ST6GALNAC3: variants seen among roughly 807,000 people sequenced by gnomAD.
ST6GALNAC3 encodes the protein alpha-N-acetylgalactosaminide alpha-2,6-sialyltransferase 3.
In ST6GALNAC3, 25 loss-of-function variants were observed where a neutral mutation model predicts 32.7. That is an observed-to-expected ratio of 0.76 (90% CI 0.56 to 1.07). The LOEUF (loss-of-function observed/expected upper bound fraction) is 1.07, where lower values mean the gene tolerates loss of function less well. Among genes scored for constraint, ST6GALNAC3 ranks in the 50% least tolerant of loss-of-function variants. The pLI is 0.00. For synonymous variants in ST6GALNAC3, 129 were observed against 133.1 expected (o/e 0.97, Z 0.21); for missense variants, 355 against 382.4 (o/e 0.93, Z 0.60).
At chr1:76,521,159 GATACAACCTT>G (rs1221670376) in intron 3 of ST6GALNAC3, among the ~76,000 whole-genome samples, 1 of 151,668 alleles carries the variant, frequency 6.6e-6, no homozygotes, top group Non-Finnish European at 1.5e-5. Context: ...CCACAATAAG[GATACAACCTT>G]ATAACACTTT....
chr1:76,614,379 C>G (rs1382256915), intron 3 of ST6GALNAC3, among the ~76,000 whole-genome samples: 1 of 152,088 alleles, frequency 6.6e-6, no homozygotes, highest in African/African-American at 2.4e-5. Flanking sequence ...GATTTTTAAC[C>G]CTTTGCTGCA....
chr1:76,176,415 C>A (rs1400770369), intron 1 of ST6GALNAC3, among the ~76,000 whole-genome samples: 1 of 152,152 alleles, frequency 6.6e-6, no homozygotes, highest in Admixed American at 6.5e-5. Context: ...GTGCTTTAAA[C>A]AGATTAAAAT....
chr1:76,350,552 G>A (rs1350463752), intron 2 of ST6GALNAC3, among the ~76,000 whole-genome samples: 2 of 152,120 alleles, frequency 1.3e-5, no homozygotes, highest in Admixed American at 6.6e-5. Flanking sequence ...CAGTTCAAGT[G>A]CAATTAATAG....
At chr1:76,323,923 G>A (rs969793537) in intron 2 of ST6GALNAC3, among the ~76,000 whole-genome samples, 8 of 151,868 alleles carry the variant, frequency 5.3e-5, no homozygotes, top group Non-Finnish European at 7.4e-5. Context: ...GCAGTGGTGT[G>A]ACCTTGGCTG....
chr1:76,191,416 C>G (rs1653890608), intron 1 of ST6GALNAC3, among the ~76,000 whole-genome samples: 1 of 151,946 alleles, frequency 6.6e-6, no homozygotes, highest in Admixed American at 6.6e-5. Flanking sequence ...TCAACAGGTA[C>G]AAAGTTACAA....
chr1:76,508,893 A>G (rs1661653536), intron 3 of ST6GALNAC3, among the ~76,000 whole-genome samples: 1 of 152,224 alleles, frequency 6.6e-6, no homozygotes, highest in South Asian at 2.1e-4. Flanking sequence ...TTTTTGTCAC[A>G]TCAAAGTAGA....
At chr1:76,476,952 G>T (rs144266930) in intron 3 of ST6GALNAC3, among the ~76,000 whole-genome samples, 1 of 152,196 alleles carries the variant, frequency 6.6e-6, no homozygotes, top group Admixed American at 6.5e-5. Flanking sequence ...TTGTGCCTTG[G>T]CATCTGACTC....
intron 2 of ST6GALNAC3, among the ~76,000 whole-genome samples, chr1:76,370,690 A>G (rs921809071): frequency 6.6e-6 from 1 of 152,202 alleles, no homozygotes; most frequent in Non-Finnish European, 1.5e-5. Context: ...AAACTGATTT[A>G]TATAGAGACT....
intron 2 of ST6GALNAC3, among the ~76,000 whole-genome samples, chr1:76,409,071 A>G (rs1654035322): frequency 6.6e-6 from 1 of 152,082 alleles, no homozygotes; most frequent in African/African-American, 2.4e-5. Context: ...GAGGTTGAGG[A>G]AGGGTCTTAA....
intron 3 of ST6GALNAC3, among the ~76,000 whole-genome samples, chr1:76,436,764 G>A (rs1656174205): frequency 6.6e-6 from 1 of 152,054 alleles, no homozygotes; most frequent in Non-Finnish European, 1.5e-5. Context: ...ATGCTGTCTT[G>A]AATGCTGGGT....
chr1:76,586,205 T>C (rs1287917408), intron 3 of ST6GALNAC3, among the ~76,000 whole-genome samples: 2 of 152,224 alleles, frequency 1.3e-5, no homozygotes, highest in Non-Finnish European at 2.9e-5. Context: ...AAACTATATT[T>C]AGAAGTCTGA....
chr1:76,628,958 G>A lies in ST6GALNAC3; in HGVS notation c.*152G>A, dbSNP rs1649154224. 6 of 1,435,892 alleles carry A rather than the reference G, an allele frequency of 4.2e-6. No individual in the cohort carries two copies. Among genetic ancestry groups the A allele is most frequent in the African/African-American group, 1.5e-5 (1 of 68,442 alleles). 88.9% of individuals were successfully genotyped at this position (1,435,892 alleles called of 1,614,324 possible). On this transcript the variant is annotated 3_prime_UTR_variant, in exon 5 of 5. Transcript: ENST00000328299. ...ACTCTCAGATGTGGATGGTGACTCT[G>A]CTAGTAATTTAAACTTGGCATTTCA...
chr1:76,620,183 T>C (rs367688006), intron 3 of ST6GALNAC3, among the ~76,000 whole-genome samples: 51 of 152,128 alleles, frequency 3.4e-4, no homozygotes, highest in African/African-American at 1.1e-3. Flanking sequence ...TGCAGCTTGA[T>C]ATATAAGATT....
intron 1 of ST6GALNAC3, among the ~76,000 whole-genome samples, chr1:76,156,362 A>G (rs1423466012): frequency 6.6e-6 from 1 of 152,142 alleles, no homozygotes; most frequent in Non-Finnish European, 1.5e-5. Flanking sequence ...AGGGGGAGTT[A>G]TATTCCACCC....
chr1:76,324,212 C>A (rs959699555), intron 2 of ST6GALNAC3, among the ~76,000 whole-genome samples: 1 of 152,120 alleles, frequency 6.6e-6, no homozygotes, highest in African/African-American at 2.4e-5. Flanking sequence ...CTTTCACTAT[C>A]ATTTAAAGAA....
chr1:76,556,636 C>T (rs1664943789), intron 3 of ST6GALNAC3, among the ~76,000 whole-genome samples: 1 of 152,096 alleles, frequency 6.6e-6, no homozygotes, highest in Admixed American at 6.6e-5. Context: ...TAATGTTGAG[C>T]ATCTTTTCCT....
intron 1 of ST6GALNAC3, among the ~76,000 whole-genome samples, chr1:76,160,708 C>T (rs1258132010): frequency 6.6e-6 from 1 of 151,624 alleles, no homozygotes; most frequent in Non-Finnish European, 1.5e-5. Flanking sequence ...AATCTTGGTG[C>T]ACACACACAC....
chr1:76,351,934 G>A (rs745575309), intron 2 of ST6GALNAC3, among the ~76,000 whole-genome samples: 2 of 152,092 alleles, frequency 1.3e-5, no homozygotes, highest in Non-Finnish European at 2.9e-5. Flanking sequence ...GAGGAGGTTG[G>A]GGTGGGGGAA....
At chr1:76,205,560 C>G (rs1010494271) in intron 1 of ST6GALNAC3, among the ~76,000 whole-genome samples, 3 of 152,098 alleles carry the variant, frequency 2.0e-5, no homozygotes, top group African/African-American at 7.2e-5. Context: ...AAAAGAGCAT[C>G]TTGTTTTGTC....
Sources: allele counts gnomAD v4.1 joint callset (sites outside exome capture counted in the v4.1 genomes callset), GRCh38; gene constraint gnomAD v4.1.1; transcripts MANE v1.5; gene names NCBI Gene and HGNC (gene_info 2026-07-23, HGNC 2026-07-21).